The following SV2C variants were observed in gnomAD, a reference collection of about 807,000 sequenced individuals.
SV2C encodes the protein synaptic vesicle glycoprotein 2C, also known as solute carrier family 22 member B3.
SV2C carries 49 observed loss-of-function variants against 79.7 expected under a neutral mutation model. The observed-to-expected ratio is 0.61, with a 90% CI of 0.49 to 0.78. SV2C has a LOEUF of 0.78. SV2C is among the 30% of genes least tolerant of loss of function. The probability of loss-of-function intolerance (pLI) is 0.00; values close to 1 mark genes in which losing one functional copy is unlikely to be tolerated. For missense variants in SV2C, 833 were observed against 912.9 expected, an observed-to-expected ratio of 0.91 and a Z score of 1.13; for synonymous variants, 334 against 333.2, an observed-to-expected ratio of 1.00 and a Z score of -0.03.
chr5:76,183,166 G>A (rs540659416), intron 2 of SV2C, among the ~76,000 whole-genome samples: 1 of 151,226 alleles, frequency 6.6e-6, no homozygotes, highest in African/African-American at 2.4e-5. Flanking sequence ...TGGGATTACG[G>A]GTGCCTGCCA....
At chr5:76,336,727 C>T (rs569195181), downstream of SV2C, among the ~76,000 whole-genome samples, 8 of 152,282 alleles carry the variant, frequency 5.3e-5, no homozygotes, top group African/African-American at 1.7e-4. Context: ...CCCGTCTCCA[C>T]CAAAAAAACA....
At chr5:75,960,214 T>A in the SV2C span, among the ~76,000 whole-genome samples, 2 of 152,110 alleles carry the variant, frequency 1.3e-5, no homozygotes, top group African/African-American at 4.8e-5. Context: ...ATTAACTGAT[T>A]TTTTTTGCAA....
intron 3 of SV2C, 78 bp from the exon 4 acceptor site, chr5:76,209,656 GTT>G: frequency 7.1e-7 from 1 of 1,406,478 alleles, no homozygotes; most frequent in Non-Finnish European, 9.7e-7. Context: ...TGTTGTTAGA[GTT>G]TGCTTTGGCT....
intron 12 of SV2C, among the ~76,000 whole-genome samples, chr5:76,344,209 A>G (rs1009018303): frequency 3.3e-5 from 5 of 152,166 alleles, no homozygotes; most frequent in Non-Finnish European, 7.3e-5. Context: ...TCAGCTTCCA[A>G]AATAAGTATG....
At chr5:76,150,079 A>G (rs945973533) in intron 2 of SV2C, among the ~76,000 whole-genome samples, 6 of 152,248 alleles carry the variant, frequency 3.9e-5, no homozygotes, top group African/African-American at 1.4e-4. Flanking sequence ...GCTCACAAGG[A>G]CAAAAGAAAG....
the SV2C span, among the ~76,000 whole-genome samples, chr5:76,026,904 T>C: frequency 2.0e-5 from 3 of 152,130 alleles, no homozygotes; most frequent in African/African-American, 7.2e-5. Context: ...AGCACCTCAG[T>C]TGGAGGGCTG....
chr5:76,347,217 C>G (rs892635884), intron 12 of SV2C, among the ~76,000 whole-genome samples: 1 of 152,132 alleles, frequency 6.6e-6, no homozygotes, highest in African/African-American at 2.4e-5. Flanking sequence ...TTTTTACCCC[C>G]ATTTGTACCT....
rs1267482559 is a variant in SV2C, at chr5:76,325,794, G to A, written c.*247G>A. The A allele has an allele frequency of 1.4e-5, 6 of 421,486 alleles. No individual in the cohort carries two copies. Among genetic ancestry groups the A allele is most frequent in the African/African-American group, 2.0e-5 (1 of 48,954 alleles). 26.1% of individuals were successfully genotyped at this position (421,486 alleles called of 1,614,324 possible). A position where few individuals can be genotyped will look rare whatever the true frequency, so the allele number is the denominator to read the frequency against. On this transcript the variant is annotated 3_prime_UTR_variant, in exon 13 of 13. Transcript: ENST00000502798. Reference sequence around the variant, plus strand: ...CCAAACTGTGATGCTACTGCCTCCCGCAAATCAGTGGAAGCATTTCTAAAA... The same window carrying A: ...CCAAACTGTGATGCTACTGCCTCCCACAAATCAGTGGAAGCATTTCTAAAA...
At chr5:75,874,998 T>A in the SV2C span, among the ~76,000 whole-genome samples, 1 of 152,286 alleles carries the variant, frequency 6.6e-6, no homozygotes, top group Non-Finnish European at 1.5e-5. Flanking sequence ...AATTTACAGA[T>A]TCAATGCTAT....
At chr5:76,139,704 TTTAAAAC>T (rs1202923096) in intron 2 of SV2C, among the ~76,000 whole-genome samples, 94 of 152,296 alleles carry the variant, frequency 6.2e-4, no homozygotes, top group African/African-American at 2.1e-3. Flanking sequence ...CTAGGTTTTC[TTTAAAAC>T]ATCTGCAATA....
the SV2C span, among the ~76,000 whole-genome samples, chr5:75,854,973 A>G: frequency 6.6e-6 from 1 of 152,156 alleles, no homozygotes; most frequent in Non-Finnish European, 1.5e-5. Context: ...ATTCCATTCC[A>G]CTGATCTATA....
chr5:76,267,771 G>A (rs1468494334), intron 4 of SV2C, among the ~76,000 whole-genome samples: 2 of 152,258 alleles, frequency 1.3e-5, no homozygotes, highest in African/African-American at 4.8e-5. Flanking sequence ...TTTCCAGGCA[G>A]ACAACAGGGG....
At chr5:75,943,106 A>C in the SV2C span, among the ~76,000 whole-genome samples, 1 of 152,198 alleles carries the variant, frequency 6.6e-6, no homozygotes, top group African/African-American at 2.4e-5. Flanking sequence ...TGTAGCATTA[A>C]GCACTCTCTG....
At chr5:75,982,424 C>T in the SV2C span, among the ~76,000 whole-genome samples, 1 of 152,096 alleles carries the variant, frequency 6.6e-6, no homozygotes, top group Non-Finnish European at 1.5e-5. Context: ...TACCATCTCA[C>T]ACCCACCAGA....
At chr5:76,037,189 A>G in the SV2C span, among the ~76,000 whole-genome samples, 2 of 152,030 alleles carry the variant, frequency 1.3e-5, no homozygotes, top group Non-Finnish European at 2.9e-5. Context: ...CTTTGGTTTG[A>G]ATGTCCTCCC....
At chr5:76,048,965 GAGAAAGAAAGAAAGAAAGAA>G in the SV2C span, among the ~76,000 whole-genome samples, 39 of 58,200 alleles carry the variant, frequency 6.7e-4, no homozygotes, top group African/African-American at 1.1e-3. Context: ...GAAAGAAAAA[GAGAAAGAAAGAAAGAAAGAA>G]AGAAAGAAAG....
chr5:76,021,543 C>A, the SV2C span, among the ~76,000 whole-genome samples: 167 of 152,238 alleles, frequency 1.1e-3, 1 homozygote, highest in African/African-American at 3.6e-3. Flanking sequence ...CAGTACCCAG[C>A]AATATGCCTC....
chr5:75,860,345 G>A, the SV2C span, among the ~76,000 whole-genome samples: 1 of 152,120 alleles, frequency 6.6e-6, no homozygotes, highest in Admixed American at 6.5e-5. Flanking sequence ...TGCGGTTTTT[G>A]CCATTACTTT....
At chr5:75,991,722 A>G in the SV2C span, among the ~76,000 whole-genome samples, 1 of 151,202 alleles carries the variant, frequency 6.6e-6, no homozygotes, top group Non-Finnish European at 1.5e-5. Context: ...ATGCAAAACC[A>G]TCAATTAATC....
Sources: gnomAD v4.1 joint callset for allele counts (sites outside exome capture counted in the v4.1 genomes callset) on GRCh38, gnomAD v4.1.1 for gene constraint, MANE v1.5 for transcripts, NCBI Gene and HGNC (gene_info 2026-07-23, HGNC 2026-07-21) for gene names.